The following CLCA4 variants were observed in gnomAD, a reference collection of about 807,000 sequenced individuals.
CLCA4 encodes calcium-activated chloride channel regulator 4.
CLCA4 carries 69 observed loss-of-function variants against 78.9 expected under a neutral mutation model. The observed-to-expected ratio is 0.87, with a 90% CI of 0.72 to 1.07. The LOEUF (loss-of-function observed/expected upper bound fraction) is 1.07. CLCA4 is among the 50% of genes least tolerant of loss of function. The pLI is 0.00. For missense variants in CLCA4, 1,133 were observed against 1,095.8 expected, an observed-to-expected ratio of 1.03 and a Z score of -0.48; for synonymous variants, 362 against 375.8, an observed-to-expected ratio of 0.96 and a Z score of 0.42.
At chr1:86,554,561 G>T (rs12028615) in intron 1 of CLCA4, among the ~76,000 whole-genome samples, 13 of 152,056 alleles carry the variant, frequency 8.5e-5, no homozygotes, top group African/African-American at 3.1e-4. Flanking sequence ...CACCATGCCC[G>T]GCCCTGTACC....
At chr1:86,572,047 A>G (rs540104949) in intron 8 of CLCA4, among the ~76,000 whole-genome samples, 1 of 152,134 alleles carries the variant, frequency 6.6e-6, no homozygotes, top group East Asian at 1.9e-4. Context: ...GTAGCTCCTT[A>G]AAAGTAGTAC....
At chr1:86,553,378 G>C (rs1045467439) in intron 1 of CLCA4, 6 of 524,786 alleles carry the variant, frequency 1.1e-5, no homozygotes, top group African/African-American at 9.9e-5. Flanking sequence ...GGGTCCTGCC[G>C]TCTCGTGCAT....
intron 5 of CLCA4, 100 bp from the exon 6 acceptor site, chr1:86,565,702 A>T (rs538360706): frequency 1.2e-4 from 88 of 711,122 alleles, no homozygotes; most frequent in Middle Eastern, 4.1e-4. Context: ...CATTCAACAA[A>T]CAACATATCT....
At chr1:86,568,376 TATA>T (rs1403419675) in intron 7 of CLCA4, among the ~76,000 whole-genome samples, 4 of 148,554 alleles carry the variant, frequency 2.7e-5, no homozygotes, top group African/African-American at 9.8e-5. Context: ...ATACTAATTA[TATA>T]ATAATTTATT....
chr1:86,559,845 T>A, intron 1 of CLCA4, 87 bp from the exon 2 acceptor site: 1 of 1,056,512 alleles, frequency 9.5e-7, no homozygotes, highest in Non-Finnish European at 1.4e-6. Context: ...TGTCCACTCT[T>A]AAGTTGGGAA....
chr1:86,553,436 C>A, intron 1 of CLCA4: 1 of 381,092 alleles, frequency 2.6e-6, no homozygotes, highest in Non-Finnish European at 4.7e-6. Flanking sequence ...ATCCTCTATT[C>A]CAGCAAGCTG....
intron 3 of CLCA4, among the ~76,000 whole-genome samples, chr1:86,560,949 T>G (rs1649999178): frequency 6.6e-6 from 1 of 152,218 alleles, no homozygotes. Flanking sequence ...ACAACAAAAG[T>G]GCACTTTACA....
In CLCA4 at chr1:86,577,996, A is replaced by C. The variant is rs1650575051; in HGVS notation, c.2046A>C (p.Gly682=). Residue 682 remains glycine (G), a synonymous_variant, in exon 12 of 14, where the codon GGA becomes GGC. Transcript: ENST00000370563. ...GRYSLKVRAH[G]GANTARLKLR... ...ATAGCTTAAAAGTTCGGGCTCATGG[A>C]GGAGCAAACACTGCCAGGCTAAAAT... The C allele has an allele frequency of 6.2e-7, 1 of 1,612,710 alleles. No homozygotes were observed. The highest frequency in any genetic ancestry group is 1.7e-5 in the Admixed American group (1 of 59,854).
rs749240990 is a variant in CLCA4, at chr1:86,580,011, A to T, written c.2426A>T (p.Gln809Leu). The T allele has an allele frequency of 4.4e-6, 7 of 1,608,806 alleles. No homozygotes were observed. The highest frequency in any genetic ancestry group is 3.3e-5 in the Admixed American group (2 of 59,724). Residue 809 changes from glutamine to leucine, a missense_variant, in exon 14 of 14, where the codon CAA (glutamine) becomes CTA (leucine). Gln to Leu is a moderately radical substitution (Grantham distance 113). Coordinates refer to ENST00000370563, the MANE Select transcript of CLCA4 (RefSeq NM_012128.4). ...DLRDSFDDALQVNTTDLSPKE... is the reference protein window; with the variant it reads ...DLRDSFDDALLVNTTDLSPKE... ...AGAGACAGTTTTGATGATGCTCTTC[A>T]AGTAAATACTACTGATCTGTCACCA...
At chr1:86,575,227 T>G (rs1650473119) in intron 10 of CLCA4, 105 bp from the exon 11 acceptor site, 1 of 1,016,120 alleles carries the variant, frequency 9.8e-7, no homozygotes, top group Non-Finnish European at 1.4e-6. Context: ...CCTTAAAACC[T>G]CTTTATTCTC....
chr1:86,580,199 C>G lies in CLCA4; in HGVS notation c.2614C>G (p.Pro872Ala), dbSNP rs1380783153. The change falls in exon 14 of 14, where the codon CCT (proline) becomes GCT (alanine). Residue 872 changes from proline to alanine, a missense_variant. Coordinates refer to ENST00000370563, the MANE Select transcript of CLCA4 (RefSeq NM_012128.4). ...QVTLFIPQAN[P>A]DDIDPTPTPT... ...AACTTTGTTTATCCCTCAAGCAAAT[C>G]CTGATGACATTGATCCTACACCTAC... 1.2e-6 allele frequency: 2 copies of G among 1,600,064 alleles called. No homozygotes were observed. Among genetic ancestry groups the G allele is most frequent in the South Asian group, 2.2e-5 (2 of 90,120 alleles).
rs552969241 is a variant in CLCA4 at position 86,570,374 on chromosome 1, T to C, written c.1183-703T>C. ...TGGGCTAACTTCTCTCTATACTCTT[T>C]TACAGGCACCTAGTTTCAAAACTTT... On this transcript the variant is annotated intron_variant, in intron 7 of 13. Transcript: ENST00000370563. Among the ~76,000 whole-genome samples the C allele has an allele frequency of 4.9e-4, 75 of 152,136 alleles. 1 individual carries two copies. The highest frequency in any genetic ancestry group is 1.8e-3 in the African/African-American group (74 of 41,544).
At chr1:86,571,053 C>T (rs919874940) in intron 7 of CLCA4, 24 bp from the exon 8 acceptor site, 2 of 1,569,400 alleles carry the variant, frequency 1.3e-6, no homozygotes, top group Admixed American at 1.7e-5. Flanking sequence ...CTGTTGGTAA[C>T]TGTGCTCTGC....
intron 6 of CLCA4, among the ~76,000 whole-genome samples, 173 bp from the exon 7 acceptor site, chr1:86,567,251 A>G (rs1558191310): frequency 6.6e-6 from 1 of 152,024 alleles, no homozygotes; most frequent in Non-Finnish European, 1.5e-5. Flanking sequence ...CATAATACAC[A>G]CCACCATTTT....
In CLCA4 at chr1:86,574,591, GTCATAA is replaced by G; in HGVS notation, c.1521_1526del (p.Ile508_Ile509del). On this transcript the variant is annotated inframe_deletion, in exon 10 of 14. Coordinates refer to ENST00000370563, the MANE Select transcript of CLCA4 (RefSeq NM_012128.4). The stretch of plus-strand genomic sequence containing the variant: ...TAGTAATGCCTGGATGAACGACACT[GTCATAA>G]TTGATAGTACAGTGGGAAAGGACAC... 6.2e-7 allele frequency: 1 copy of G among 1,613,250 alleles called. No homozygotes were observed. The highest frequency in any genetic ancestry group is 1.3e-5 in the African/African-American group (1 of 74,972).
rs780003023 is a variant in CLCA4, at chr1:86,574,695, A to C, written c.1623A>C (p.Glu541Asp). ...GGGATCCCAGTGGAACAATAATGGA[A>C]AATTTCACAGTGGATGCAACTTCCA... ...SLWDPSGTIMENFTVDATSKM... is the reference protein window; with the variant it reads ...SLWDPSGTIMDNFTVDATSKM... The change falls in exon 10 of 14, where the codon GAA becomes GAC. Residue 541 changes from glutamate (E) to aspartate (D), a missense_variant. Glu to Asp is a conservative substitution (Grantham distance 45). Coordinates refer to ENST00000370563, the MANE Select transcript of CLCA4 (RefSeq NM_012128.4). 1 of 1,613,198 alleles carries C rather than the reference A, an allele frequency of 6.2e-7. No individual in the cohort carries two copies. Among genetic ancestry groups the C allele is most frequent in the East Asian group, 2.2e-5 (1 of 44,846 alleles).
chr1:86,569,434 T>C (rs758367324), intron 7 of CLCA4, among the ~76,000 whole-genome samples: 30 of 151,934 alleles, frequency 2.0e-4, no homozygotes, highest in Admixed American at 6.6e-5. Flanking sequence ...CTTAAAAAAC[T>C]TCAAAAAATA....
intron 1 of CLCA4, among the ~76,000 whole-genome samples, chr1:86,559,297 TC>T (rs538586582): frequency 1.3e-5 from 2 of 152,300 alleles, no homozygotes; most frequent in African/African-American, 4.8e-5. Flanking sequence ...GGGTTTTTTT[TC>T]ATCACACCTC....
Position 86,560,215 on chromosome 1 carries a change from A to T in CLCA4, c.305A>T (p.Asp102Val). The T allele has an allele frequency of 6.2e-7, 1 of 1,604,934 alleles. No homozygotes were observed. The highest frequency in any genetic ancestry group is 8.5e-7 in the Non-Finnish European group (1 of 1,177,218). ...AATCTTTTTCAACATTCTCAGGCTG[A>T]TGTTATAGTTGCACCACCTACACTC... ...RPKHENHKHA[D>V]VIVAPPTLPG... is the part of the protein sequence containing the mutation. The change falls in exon 3 of 14, where the codon GAT becomes GTT. Residue 102 changes from aspartate (D) to valine (V), a missense_variant. Coordinates refer to ENST00000370563, the MANE Select transcript of CLCA4 (RefSeq NM_012128.4).
Sources: gnomAD v4.1 joint callset for allele counts (sites outside exome capture counted in the v4.1 genomes callset) on GRCh38, gnomAD v4.1.1 for gene constraint, MANE v1.5 for transcripts, NCBI Gene and HGNC (gene_info 2026-07-23, HGNC 2026-07-21) for gene names.